The following STXBP6 variants were observed in gnomAD, a reference collection of about 807,000 sequenced individuals.
STXBP6 encodes the protein syntaxin binding protein 6, also known as syntaxin-binding protein 6.
A neutral mutation model predicts 26.9 loss-of-function variants in STXBP6; 21 were observed. The ratio of observed to expected loss-of-function variants is 0.78; its 90% CI spans 0.55 to 1.12. The LOEUF (loss-of-function observed/expected upper bound fraction) is 1.12. Among genes scored for constraint, STXBP6 ranks in the 50% most tolerant of loss-of-function variants. The pLI is 0.00. For missense variants in STXBP6, 232 were observed against 257.9 expected (o/e 0.90, Z 0.69); for synonymous variants, 97 against 92.6 (o/e 1.05, Z -0.27).
At chr14:24,886,931 T>A (rs1249878375) in intron 2 of STXBP6, among the ~76,000 whole-genome samples, 1 of 152,228 alleles carries the variant, frequency 6.6e-6, no homozygotes, top group African/African-American at 2.4e-5. Flanking sequence ...CTATGCCTTC[T>A]ACTTTCTGAA....
At chr14:25,014,061 G>C (rs2075093631) in intron 1 of STXBP6, among the ~76,000 whole-genome samples, 1 of 152,168 alleles carries the variant, frequency 6.6e-6, no homozygotes, top group Non-Finnish European at 1.5e-5. Flanking sequence ...ATAATCCCTG[G>C]TAGAGAGAGG....
intron 2 of STXBP6, among the ~76,000 whole-genome samples, chr14:24,954,151 C>A (rs563592713): frequency 6.6e-6 from 1 of 152,298 alleles, no homozygotes; most frequent in East Asian, 1.9e-4. Flanking sequence ...ACAGGGGAAA[C>A]AAAGCTATTT....
At chr14:25,029,009 G>A (rs2140457193) in intron 1 of STXBP6, among the ~76,000 whole-genome samples, 1 of 152,306 alleles carries the variant, frequency 6.6e-6, no homozygotes, top group South Asian at 2.1e-4. Flanking sequence ...TGAATGAGGA[G>A]TTGCTTCTTA....
At chr14:24,979,589 AT>A (rs1432650278) in intron 1 of STXBP6, among the ~76,000 whole-genome samples, 1 of 152,206 alleles carries the variant, frequency 6.6e-6, no homozygotes, top group Non-Finnish European at 1.5e-5. Flanking sequence ...CCCACCTATA[AT>A]GTTGATGACA....
At chr14:24,884,426 T>C (rs1425114878) in intron 2 of STXBP6, among the ~76,000 whole-genome samples, 1 of 152,226 alleles carries the variant, frequency 6.6e-6, no homozygotes, top group African/African-American at 2.4e-5. Context: ...TCATTTTAAA[T>C]TACAATGACA....
chr14:24,995,966 G>C (rs1178091819), intron 1 of STXBP6, among the ~76,000 whole-genome samples: 3 of 152,102 alleles, frequency 2.0e-5, no homozygotes, highest in African/African-American at 7.2e-5. Context: ...CAAATGGAAA[G>C]AAAAGTGCAT....
At chr14:25,007,079 C>T (rs751535014) in intron 1 of STXBP6, among the ~76,000 whole-genome samples, 8 of 152,206 alleles carry the variant, frequency 5.3e-5, no homozygotes, top group Non-Finnish European at 8.8e-5. Flanking sequence ...AATTAAATCA[C>T]TGACATGCAA....
At position 25,049,832 on chromosome 14, in the gene STXBP6, C is replaced by T; in HGVS notation, c.-33+46G>A. 1.0e-6 allele frequency: 1 copy of T among 985,888 alleles called. No individual in the cohort carries two copies. The highest frequency in any genetic ancestry group is 4.7e-5 in the South Asian group (1 of 21,310). The allele number at this position is 985,888 out of a possible 1,614,324, so 61.1% of individuals were successfully genotyped here. A position where few individuals can be genotyped will look rare whatever the true frequency, so the allele number is the denominator to read the frequency against. ...GGCGGCTGCAACCGCATCTCCCGGG[C>T]TTGGCCTCCGCCCTGACCGCCTGGC... On this transcript the variant is annotated intron_variant, in intron 1 of 5. Transcript: ENST00000323944. This position sits in a 1 kb window ranked among gnomAD's most constrained non-coding sequence, Gnocchi z 5.6.
At chr14:24,928,662 A>G (rs1287263867) in intron 2 of STXBP6, among the ~76,000 whole-genome samples, 2 of 152,156 alleles carry the variant, frequency 1.3e-5, no homozygotes, top group African/African-American at 4.8e-5. Flanking sequence ...ATCATTTAGT[A>G]TCTTAGTGAT....
intron 2 of STXBP6, among the ~76,000 whole-genome samples, chr14:24,871,637 C>T (rs543124275): frequency 6.6e-6 from 1 of 152,332 alleles, no homozygotes; most frequent in East Asian, 1.9e-4. Context: ...AATATCTCCT[C>T]TCCAGAGCAA....
At chr14:24,952,184 C>T (rs1436235540) in intron 2 of STXBP6, among the ~76,000 whole-genome samples, 4 of 150,996 alleles carry the variant, frequency 2.6e-5, no homozygotes, top group African/African-American at 7.3e-5. Context: ...TTTACTGTTA[C>T]ATATTTGTAA....
At chr14:25,024,876 C>G (rs918733148) in intron 1 of STXBP6, among the ~76,000 whole-genome samples, 2 of 152,070 alleles carry the variant, frequency 1.3e-5, no homozygotes, top group African/African-American at 4.8e-5. Flanking sequence ...TATTATAGGC[C>G]TTTGGTCAAC....
intron 2 of STXBP6, among the ~76,000 whole-genome samples, chr14:24,927,737 C>A (rs9323571): frequency 8.5e-5 from 13 of 152,188 alleles, no homozygotes; most frequent in Admixed American, 3.9e-4. Context: ...GAAATGTCAA[C>A]GATATATGTT....
At chr14:24,819,696 C>G (rs2068084717) in intron 4 of STXBP6, among the ~76,000 whole-genome samples, 1 of 152,182 alleles carries the variant, frequency 6.6e-6, no homozygotes, top group East Asian at 1.9e-4. Flanking sequence ...AATGCTTCTT[C>G]TTCATTTTAC....
chr14:24,976,802 T>C (rs925412554), intron 1 of STXBP6, among the ~76,000 whole-genome samples: 1 of 150,468 alleles, frequency 6.6e-6, no homozygotes, highest in Non-Finnish European at 1.5e-5. Context: ...TTCAAACCAT[T>C]TGATAAGCAA....
intron 2 of STXBP6, among the ~76,000 whole-genome samples, chr14:24,965,417 G>A (rs1566516985): frequency 6.7e-6 from 1 of 149,044 alleles, no homozygotes; most frequent in African/African-American, 2.5e-5. Context: ...ATTTCAATGG[G>A]TTTTTTGGGG....
intron 1 of STXBP6, among the ~76,000 whole-genome samples, chr14:25,037,794 A>T (rs1025554379): frequency 6.6e-6 from 1 of 152,262 alleles, no homozygotes; most frequent in Non-Finnish European, 1.5e-5. Flanking sequence ...AGGGACTTCT[A>T]CAAAAGGCAA....
chr14:24,896,902 G>C (rs997961953), intron 2 of STXBP6, among the ~76,000 whole-genome samples: 2 of 152,118 alleles, frequency 1.3e-5, no homozygotes, highest in South Asian at 4.2e-4. Flanking sequence ...CAAGTGAATG[G>C]GCATTTGGGG....
intron 1 of STXBP6, among the ~76,000 whole-genome samples, chr14:24,984,933 A>C (rs1248235683): frequency 6.6e-6 from 1 of 152,218 alleles, no homozygotes; most frequent in Non-Finnish European, 1.5e-5. Context: ...CATATTGAAG[A>C]AATGAGAAAG....
Sources: allele counts gnomAD v4.1 joint callset (sites outside exome capture counted in the v4.1 genomes callset), GRCh38; gene constraint gnomAD v4.1.1; non-coding constraint Gnocchi (gnomAD v3.1); transcripts MANE v1.5; gene names NCBI Gene and HGNC (gene_info 2026-07-23, HGNC 2026-07-21).